CADM2: variants seen among roughly 807,000 people sequenced by gnomAD.
The protein encoded by CADM2 is cell adhesion molecule 2.
In CADM2, 12 loss-of-function variants were observed where a neutral mutation model predicts 49.8. The observed-to-expected ratio is 0.24, with a 90% CI of 0.15 to 0.39. CADM2 has a LOEUF of 0.39. Ranked by LOEUF, CADM2 falls within the 10% of genes least tolerant of loss-of-function variation. The pLI is 1.00. For missense variants in CADM2, 378 were observed against 492.3 expected (o/e 0.77, Z 2.20); for synonymous variants, 214 against 175.4 (o/e 1.22, Z -1.74).
chr3:85,768,763 TATATACAC>T (rs994035707), intron 2 of CADM2, among the ~76,000 whole-genome samples: 1 of 136,418 alleles, frequency 7.3e-6, no homozygotes, highest in Non-Finnish European at 1.5e-5. Flanking sequence ...ATATATAGTA[TATATACAC>T]ATATATACAT....
intron 1 of CADM2, among the ~76,000 whole-genome samples, chr3:85,605,950 G>A (rs2063526711): frequency 6.6e-6 from 1 of 152,066 alleles, no homozygotes; most frequent in Admixed American, 6.6e-5. Flanking sequence ...AATAGTTAAA[G>A]AAGACGTGAA....
chr3:85,144,742 A>T (rs2039685884), intron 1 of CADM2, among the ~76,000 whole-genome samples: 1 of 151,912 alleles, frequency 6.6e-6, no homozygotes, highest in African/African-American at 2.4e-5. Context: ...AGTTCAAGAT[A>T]TTTTTTTAAT....
intron 1 of CADM2, among the ~76,000 whole-genome samples, chr3:85,724,741 C>T (rs901266018): frequency 3.3e-5 from 5 of 151,556 alleles, no homozygotes; most frequent in Non-Finnish European, 7.4e-5. Context: ...AAATTGCTGG[C>T]ATTGATTATC....
intron 2 of CADM2, among the ~76,000 whole-genome samples, chr3:85,779,408 C>A (rs190658713): frequency 9.2e-5 from 14 of 152,156 alleles, no homozygotes; most frequent in Admixed American, 5.9e-4. Flanking sequence ...GAGACTATGT[C>A]ATTTATAAAG....
At chr3:86,049,814 C>G (rs1196278261) in intron 8 of CADM2, among the ~76,000 whole-genome samples, 3 of 152,156 alleles carry the variant, frequency 2.0e-5, no homozygotes, top group African/African-American at 7.2e-5. Context: ...CCAAACCGTT[C>G]ATGAGAAACT....
In CADM2 at chr3:85,179,912, C is replaced by T. The variant is rs1018942925; in HGVS notation, c.61+220244C>T. 2.0e-5 allele frequency among the ~76,000 whole-genome samples: 3 copies of T among 152,016 alleles called. 1 individual carries two copies. Among genetic ancestry groups the T allele is most frequent in the Non-Finnish European group, 4.4e-5 (3 of 67,990 alleles). On this transcript the variant is annotated intron_variant, in intron 1 of 9. Coordinates refer to ENST00000383699, the MANE Select transcript of CADM2 (RefSeq NM_001167675.2). ...TTTATTTGAGAGGATTACTTTAGTA[C>T]CTTTTCATATTTATAGTCCCATAAA...
At chr3:85,572,121 AC>A (rs2062496843) in intron 1 of CADM2, among the ~76,000 whole-genome samples, 1 of 152,016 alleles carries the variant, frequency 6.6e-6, no homozygotes, top group Non-Finnish European at 1.5e-5. Flanking sequence ...ACATGGCGAA[AC>A]CCTGTCTCTA....
intron 2 of CADM2, among the ~76,000 whole-genome samples, chr3:85,791,544 AAG>A (rs71112119): frequency 0.014 from 1,417 of 99,468 alleles, 12 homozygotes; most frequent in African/African-American, 0.033. Flanking sequence ...GAGAGAGAGA[AAG>A]AGAGAGAGAG....
intron 1 of CADM2, among the ~76,000 whole-genome samples, chr3:84,998,711 C>T (rs2033302793): frequency 6.6e-6 from 1 of 152,020 alleles, no homozygotes; most frequent in African/African-American, 2.4e-5. Flanking sequence ...TTAGCTTGGA[C>T]GTTTCCAGGA....
At chr3:85,208,494 G>A (rs929387218) in intron 1 of CADM2, among the ~76,000 whole-genome samples, 6 of 152,110 alleles carry the variant, frequency 3.9e-5, no homozygotes, top group African/African-American at 1.4e-4. Context: ...AAATGCATTT[G>A]CAGGGGGTGA....
At chr3:85,948,521 G>A (rs1471173143) in intron 7 of CADM2, among the ~76,000 whole-genome samples, 4 of 151,210 alleles carry the variant, frequency 2.6e-5, no homozygotes, top group Non-Finnish European at 5.9e-5. Flanking sequence ...TTAGAGATGT[G>A]CTATTATTTT....
At position 86,073,204 on chromosome 3, in the gene CADM2, A is replaced by G. The variant is rs1337393989; in HGVS notation, c.*6421A>G. 1.3e-5 allele frequency: 2 copies of G among 152,068 alleles called. No homozygotes were observed. Among genetic ancestry groups the G allele is most frequent in the Non-Finnish European group, 2.9e-5 (2 of 67,942 alleles). The allele number at this position is 152,068 out of a possible 1,614,324, so 9.4% of individuals were successfully genotyped here. On this transcript the variant is annotated 3_prime_UTR_variant, in exon 10 of 10. Transcript: ENST00000383699. ...ATAATTTAAAGACTTATCTCTGAAA[A>G]CGGTATCCAGAAACGCAGGTGTTCC... is the stretch of plus-strand genomic sequence containing the variant.
intron 8 of CADM2, among the ~76,000 whole-genome samples, chr3:86,050,717 T>A (rs1737230824): frequency 1.3e-5 from 2 of 152,296 alleles, no homozygotes; most frequent in South Asian, 4.1e-4. Flanking sequence ...TTGCACCCTC[T>A]GAATCAGTGA....
At chr3:85,113,537 T>A (rs1260353891) in intron 1 of CADM2, among the ~76,000 whole-genome samples, 1 of 152,028 alleles carries the variant, frequency 6.6e-6, no homozygotes, top group African/African-American at 2.4e-5. Flanking sequence ...AACATCAGTT[T>A]AAACAAAAAT....
At chr3:85,276,468 T>C (rs2043359569) in intron 1 of CADM2, among the ~76,000 whole-genome samples, 1 of 151,402 alleles carries the variant, frequency 6.6e-6, no homozygotes, top group Non-Finnish European at 1.5e-5. Context: ...AGGAATTAAA[T>C]TCTATCTTTG....
intron 1 of CADM2, among the ~76,000 whole-genome samples, chr3:85,338,071 G>A (rs961675397): frequency 3.3e-5 from 5 of 151,624 alleles, no homozygotes; most frequent in African/African-American, 1.2e-4. Flanking sequence ...TCTATTAACA[G>A]ATGCCTGTTT....
chr3:85,953,443 C>T (rs577297225), intron 7 of CADM2, among the ~76,000 whole-genome samples: 17 of 150,982 alleles, frequency 1.1e-4, no homozygotes, highest in Middle Eastern at 6.8e-3. Flanking sequence ...CTCTTGAGGG[C>T]AAGCATTCTA....
chr3:85,124,927 T>C (rs1180801761), intron 1 of CADM2, among the ~76,000 whole-genome samples: 1 of 152,200 alleles, frequency 6.6e-6, no homozygotes, highest in Non-Finnish European at 1.5e-5. Flanking sequence ...TTGAAAATTG[T>C]TAAGTTGAAC....
At chr3:85,589,857 T>A (rs1490755414) in intron 1 of CADM2, among the ~76,000 whole-genome samples, 1 of 151,956 alleles carries the variant, frequency 6.6e-6, no homozygotes, top group Non-Finnish European at 1.5e-5. Context: ...ACTGAAAATA[T>A]GTTATGGGAG....
Sources: gnomAD v4.1 joint callset for allele counts (sites outside exome capture counted in the v4.1 genomes callset) on GRCh38, gnomAD v4.1.1 for gene constraint, MANE v1.5 for transcripts, NCBI Gene and HGNC (gene_info 2026-07-23, HGNC 2026-07-21) for gene names.